The following PLSCR2 variants were observed in gnomAD, a reference collection of about 807,000 sequenced individuals.
The protein encoded by PLSCR2 is phospholipid scramblase 2, also known as PL scramblase 2.
In PLSCR2, 18 loss-of-function variants were observed where a neutral mutation model predicts 25.3. The ratio of observed to expected loss-of-function variants is 0.71; its 90% CI spans 0.49 to 1.06. The LOEUF (loss-of-function observed/expected upper bound fraction) is 1.06, where lower values mean the gene tolerates loss of function less well. PLSCR2 is among the 50% of genes least tolerant of loss of function. PLSCR2 has a pLI of 0.00. For missense variants in PLSCR2, 243 were observed against 269.5 expected (o/e 0.90, Z 0.69); for synonymous variants, 88 against 87.3 (o/e 1.01, Z -0.04).
chr3:146,404,203 T>G (rs535057732), intron 2 of PLSCR2, among the ~76,000 whole-genome samples: 6 of 152,224 alleles, frequency 3.9e-5, no homozygotes, highest in African/African-American at 1.4e-4. Context: ...CACCCTTCTC[T>G]ATATAGAAGT....
Position 146,449,377 on chromosome 3 carries a change from A to C in PLSCR2, c.484-10T>G, listed in dbSNP as rs1576653246. The stretch of plus-strand genomic sequence containing the variant: ...CATCAAGAGATGTAATCTAAATTGC[A>C]AAAAAAAAAAAAACTTAAAAATTTC... On this transcript the variant is annotated splice_polypyrimidine_tract_variant and intron_variant, in intron 5 of 6. Coordinates refer to ENST00000610787, the Ensembl canonical transcript of PLSCR2. 3 of 644,358 alleles carry C rather than the reference A, an allele frequency of 4.7e-6. No individual in the cohort carries two copies. Among genetic ancestry groups the C allele is most frequent in the Non-Finnish European group, 6.5e-6 (3 of 463,668 alleles). 39.9% of individuals were successfully genotyped at this position (644,358 alleles called of 1,614,324 possible). A position where few individuals can be genotyped will look rare whatever the true frequency, so the allele number is the denominator to read the frequency against.
chr3:146,398,478 G>C (rs2038347351), intron 2 of PLSCR2, among the ~76,000 whole-genome samples: 1 of 151,212 alleles, frequency 6.6e-6, no homozygotes, highest in Admixed American at 6.6e-5. Flanking sequence ...TAAACTTATA[G>C]AGCTTTTAAA....
At chr3:146,473,898 T>G (rs1300009991) in intron 1 of PLSCR2, among the ~76,000 whole-genome samples, 1 of 152,218 alleles carries the variant, frequency 6.6e-6, no homozygotes, top group East Asian at 1.9e-4. Flanking sequence ...TTGCTAAGTG[T>G]TCTATTTTGC....
intron 1 of PLSCR2, among the ~76,000 whole-genome samples, chr3:146,477,261 T>C (rs376633519): frequency 3.4e-4 from 52 of 152,182 alleles, no homozygotes; most frequent in African/African-American, 1.1e-3. Flanking sequence ...CCACGGAGGG[T>C]GACCCAAAGC....
chr3:146,483,496 T>TATATAG (rs1344236149), intron 1 of PLSCR2, among the ~76,000 whole-genome samples: 1 of 112,810 alleles, frequency 8.9e-6, no homozygotes, highest in African/African-American at 3.6e-5. Flanking sequence ...TATATATATA[T>TATATAG]ATATATATAT....
downstream of PLSCR2, chr3:146,441,627 CAG>C: frequency 2.0e-6 from 1 of 497,650 alleles, no homozygotes; most frequent in Non-Finnish European, 3.6e-6. Context: ...ATTATATACT[CAG>C]AGCTACAAGC....
chr3:146,414,096 G>T (rs1185596860), intron 2 of PLSCR2, among the ~76,000 whole-genome samples: 1 of 152,184 alleles, frequency 6.6e-6, no homozygotes. Flanking sequence ...GTAAGAGAGA[G>T]GGGGAGGAAG....
In PLSCR2 at chr3:146,458,314, C is replaced by A. The variant is rs968133010; in HGVS notation, c.100+97G>T. The A allele has an allele frequency of 5.7e-6, 6 of 1,050,446 alleles. No individual in the cohort carries two copies. In the Admixed American group the frequency reaches 2.1e-4, roughly 37 times the overall value. 65.1% of individuals were successfully genotyped at this position (1,050,446 alleles called of 1,614,324 possible). On this transcript the variant is annotated intron_variant, in intron 3 of 6. Coordinates refer to ENST00000610787, the Ensembl canonical transcript of PLSCR2. Reference sequence around the variant, plus strand: ...GTAAATAGTCAGTTTTACCATCCCACATCACTCGGAATGCTATATTTATAG... The same window carrying A: ...GTAAATAGTCAGTTTTACCATCCCAAATCACTCGGAATGCTATATTTATAG...
Position 146,441,855 on chromosome 3 carries a change from C to T in PLSCR2, c.646-34G>A. 1.4e-6 allele frequency: 2 copies of T among 1,436,706 alleles called. No homozygotes were observed. Among genetic ancestry groups the T allele is most frequent in the Non-Finnish European group, 1.9e-6 (2 of 1,026,802 alleles). 89.0% of individuals were successfully genotyped at this position (1,436,706 alleles called of 1,614,324 possible). Reference sequence around the variant, plus strand: ...AAACAAAAATACAGAAATGAATTCTCAGAAACCAAACAGAGATCAGATGCA... The same window carrying T: ...AAACAAAAATACAGAAATGAATTCTTAGAAACCAAACAGAGATCAGATGCA... On this transcript the variant is annotated intron_variant, in intron 6 of 6. Coordinates refer to ENST00000610787, the Ensembl canonical transcript of PLSCR2.
downstream of PLSCR2, among the ~76,000 whole-genome samples, chr3:146,430,748 T>C (rs1179295833): frequency 6.6e-6 from 1 of 151,142 alleles, no homozygotes; most frequent in African/African-American, 2.4e-5. Flanking sequence ...CACTTTCACT[T>C]CCCCCCACCC....
chr3:146,438,788 T>C (rs1302489324), downstream of PLSCR2, among the ~76,000 whole-genome samples: 1 of 152,204 alleles, frequency 6.6e-6, no homozygotes, highest in Non-Finnish European at 1.5e-5. Flanking sequence ...AAGGTTAATA[T>C]TGTTATGTGT....
intron 6 of PLSCR2, among the ~76,000 whole-genome samples, chr3:146,444,986 T>A (rs1269660054): frequency 6.6e-6 from 1 of 152,100 alleles, no homozygotes; most frequent in African/African-American, 2.4e-5. Context: ...CAACCCACTA[T>A]TTTAAACTCA....
At chr3:146,455,167 TAC>T (rs2041128866) in intron 4 of PLSCR2, 70 bp downstream of exon 4, 10 of 985,492 alleles carry the variant, frequency 1.0e-5, no homozygotes, top group Non-Finnish European at 1.6e-5. Context: ...CATTTGATTA[TAC>T]AGATTCAATA....
chr3:146,494,545 TG>T (rs765761529), intron 1 of PLSCR2: 4 of 152,198 alleles, frequency 2.6e-5, no homozygotes, highest in African/African-American at 4.8e-5. Flanking sequence ...CCAGACAAAC[TG>T]GTGGTCTTCC....
chr3:146,493,061 A>C, intron 1 of PLSCR2, among the ~76,000 whole-genome samples: 1 of 152,168 alleles, frequency 6.6e-6, no homozygotes, highest in East Asian at 1.9e-4. Context: ...ATCTAGAAGA[A>C]ATAAATAAAT....
At position 146,454,097 on chromosome 3, in the gene PLSCR2, T is replaced by C. The variant is rs775352011; in HGVS notation, c.388A>G (p.Thr130Ala). 1.9e-6 allele frequency: 3 copies of C among 1,610,970 alleles called. No individual in the cohort carries two copies. The South Asian group carries it at 3.3e-5, about 18-fold the overall frequency. The stretch of plus-strand genomic sequence containing the variant: ...TTCTGATTTTTAATTGTAAACTTTG[T>C]TAGACATGGGTGCCAGGTCTGAGTA... Residue 130 changes from threonine to alanine, a missense_variant, in exon 5 of 7, where the codon ACA (threonine) becomes GCA (alanine). Transcript: ENST00000610787.
chr3:146,400,406 A>C (rs1202934942), intron 2 of PLSCR2, among the ~76,000 whole-genome samples: 1 of 151,568 alleles, frequency 6.6e-6, no homozygotes, highest in East Asian at 1.9e-4. Context: ...GAAATATAAA[A>C]TAATTAAATT....
downstream of PLSCR2, among the ~76,000 whole-genome samples, chr3:146,438,000 C>T (rs144511029): frequency 6.8e-3 from 1,037 of 152,260 alleles, 8 homozygotes; most frequent in South Asian, 0.018. Context: ...TTTCAAAGAA[C>T]ATCTTTATTT....
At chr3:146,421,716 CAT>C (rs1183701336) in intron 2 of PLSCR2, among the ~76,000 whole-genome samples, 2 of 152,106 alleles carry the variant, frequency 1.3e-5, no homozygotes, top group East Asian at 3.8e-4. Flanking sequence ...TGAATACTCA[CAT>C]GTGTTTATAA....
Sources: allele counts gnomAD v4.1 joint callset (sites outside exome capture counted in the v4.1 genomes callset), GRCh38; gene constraint gnomAD v4.1.1; transcripts MANE v1.5; gene names NCBI Gene and HGNC (gene_info 2026-07-23, HGNC 2026-07-21).